The following MAGI2 variants were observed in gnomAD, a reference collection of about 807,000 sequenced individuals.
MAGI2 encodes membrane-associated guanylate kinase, WW and PDZ domain-containing protein 2.
Under a neutral mutation model 133.3 loss-of-function variants are expected in MAGI2, and 35 were observed. That is an observed-to-expected ratio of 0.26 (90% confidence interval 0.20 to 0.35). The LOEUF (loss-of-function observed/expected upper bound fraction) is 0.35. Among genes scored for constraint, MAGI2 ranks in the 10% least tolerant of loss-of-function variants. The pLI is 1.00. For synonymous variants in MAGI2, 729 were observed against 710.6 expected (o/e 1.03, Z -0.41); for missense variants, 1,636 against 1,863.4 (o/e 0.88, Z 2.25).
chr7:79,199,641 G>A (rs962173228), intron 1 of MAGI2, among the ~76,000 whole-genome samples: 9 of 151,998 alleles, frequency 5.9e-5, no homozygotes, highest in East Asian at 1.9e-4. Flanking sequence ...ATTTTACATC[G>A]AAATTTTATT....
chr7:78,196,250 G>T (rs543814366), intron 11 of MAGI2, among the ~76,000 whole-genome samples: 1 of 150,614 alleles, frequency 6.6e-6, no homozygotes, highest in Non-Finnish European at 1.5e-5. Flanking sequence ...CTTGCTGACC[G>T]CCCTGTCCCT....
At position 78,051,884 on chromosome 7, in the gene MAGI2, C is replaced by CTTTTTTTTTT. The variant is rs59919639; in HGVS notation, c.3706+27053_3706+27062dup. Among the ~76,000 whole-genome samples the CTTTTTTTTTT allele has an allele frequency of 7.2e-5, 9 of 125,806 alleles. 1 individual carries two copies. The South Asian group carries it at 1.3e-3, about 18-fold the overall frequency. The allele number at this position is 125,806 out of a possible 152,430, so 82.5% of individuals were successfully genotyped here. A position where few individuals can be genotyped will look rare whatever the true frequency, so the allele number is the denominator to read the frequency against. ...GCAGGTGTGAGCCACCATACCCAGC[C>CTTTTTTTTTT]TTTTTTTTTTTTTTTTTAAGACAAG... On this transcript the variant is annotated intron_variant, in intron 21 of 21. Transcript: ENST00000354212.
chr7:78,070,126 C>CACACACAT (rs3084738), intron 21 of MAGI2, among the ~76,000 whole-genome samples: 94 of 136,246 alleles, frequency 6.9e-4, no homozygotes, highest in East Asian at 4.1e-3. Flanking sequence ...CACACACACA[C>CACACACAT]ATATATGTGT....
In MAGI2 at chr7:79,368,303, C is replaced by T. The variant is rs1000727184; in HGVS notation, c.301+84717G>A. ...ATCCTAGTGAAAGCTTTGTACTTTC[C>T]CTAGACAGAAACTGGCTAGGGTCTA... On this transcript the variant is annotated intron_variant, in intron 1 of 21. Transcript: ENST00000354212. Among the ~76,000 whole-genome samples the T allele has an allele frequency of 2.6e-5, 4 of 152,012 alleles. No homozygotes were observed. The East Asian group carries it at 7.8e-4, about 30-fold the overall frequency.
intron 9 of MAGI2, among the ~76,000 whole-genome samples, chr7:78,328,373 A>G (rs1788799146): frequency 6.6e-6 from 1 of 152,036 alleles, no homozygotes; most frequent in Non-Finnish European, 1.5e-5. Flanking sequence ...AATGTCAGTG[A>G]CCAGAAATAC....
chr7:78,984,828 A>G (rs919396965), intron 2 of MAGI2, among the ~76,000 whole-genome samples: 2 of 152,044 alleles, frequency 1.3e-5, no homozygotes, highest in African/African-American at 2.4e-5. Flanking sequence ...CCACCAAAAC[A>G]TAAGTTTCAC....
intron 2 of MAGI2, among the ~76,000 whole-genome samples, chr7:78,628,981 A>G (rs1808668145): frequency 6.6e-6 from 1 of 152,024 alleles, no homozygotes; most frequent in Non-Finnish European, 1.5e-5. Context: ...ATTTATCTGC[A>G]TATTTCAGAA....
intron 10 of MAGI2, among the ~76,000 whole-genome samples, chr7:78,248,209 G>A (rs1326813219): frequency 6.6e-6 from 1 of 152,178 alleles, no homozygotes; most frequent in African/African-American, 2.4e-5. Flanking sequence ...ACAAGCAAAA[G>A]TTGAGGGAAA....
chr7:78,812,586 ATGTGTGTG>A (rs10542588), intron 2 of MAGI2, among the ~76,000 whole-genome samples: 3 of 149,320 alleles, frequency 2.0e-5, no homozygotes, highest in Admixed American at 6.7e-5. Flanking sequence ...ATATGTATGT[ATGTGTGTG>A]TGTGTGTGTG....
In MAGI2 at chr7:78,310,433, CA is replaced by C. The variant is rs568945406; in HGVS notation, c.1408+33344del. ...CTGGCAATAGAGCGAGACTCCAGCT[CA>C]AAAAAATAAAAATAATTTTTAAAAA... On this transcript the variant is annotated intron_variant, in intron 9 of 21. Coordinates refer to ENST00000354212, the MANE Select transcript of MAGI2 (RefSeq NM_012301.4). Among the ~76,000 whole-genome samples, 386 of 151,790 alleles carry C rather than the reference CA, an allele frequency of 2.5e-3. 2 individuals carry two copies. The highest frequency in any genetic ancestry group is 8.8e-3 in the African/African-American group (366 of 41,390).
intron 2 of MAGI2, among the ~76,000 whole-genome samples, chr7:78,788,408 C>G (rs1018853453): frequency 6.6e-6 from 1 of 152,074 alleles, no homozygotes; most frequent in Non-Finnish European, 1.5e-5. Context: ...TTACTCCATC[C>G]AACATTTCCA....
chr7:78,903,640 A>G (rs17151645), intron 2 of MAGI2, among the ~76,000 whole-genome samples: 2,679 of 152,264 alleles, frequency 0.018, 75 homozygotes, highest in African/African-American at 0.06. Flanking sequence ...TCTTGTTTTT[A>G]AGAATTTGGT....
intron 1 of MAGI2, among the ~76,000 whole-genome samples, chr7:79,334,707 T>G (rs1453506944): frequency 6.6e-6 from 1 of 152,166 alleles, no homozygotes; most frequent in Non-Finnish European, 1.5e-5. Flanking sequence ...AGAGCTTAGT[T>G]GACAATTTAA....
In MAGI2 at chr7:78,501,649, T is replaced by C. The variant is rs149573681; in HGVS notation, c.893A>G (p.Asn298Ser). 1,478 of 1,614,200 alleles carry C rather than the reference T, an allele frequency of 9.2e-4. 16 individuals are homozygous for C. The African/African-American group carries it at 0.017, about 18-fold the overall frequency. The change falls in exon 5 of 22, where the codon AAT becomes AGT. Residue 298 changes from asparagine to serine, a missense_variant. Physicochemically the swap from Asn to Ser is conservative, Grantham distance 46. Transcript: ENST00000354212. ...DDTKPTKPED[N>S]EEPDPLPDNW... ...ATCAGGCAATGGGTCTGGTTCCTCA[T>C]TGTCTTCAGGTTTAGTTGGCTTTGT...
At chr7:78,773,384 A>C (rs1825741673) in intron 2 of MAGI2, among the ~76,000 whole-genome samples, 1 of 152,222 alleles carries the variant, frequency 6.6e-6, no homozygotes, top group Non-Finnish European at 1.5e-5. Flanking sequence ...AACCCTAGCC[A>C]ACTTTTCAAA....
At chr7:78,814,014 G>A (rs1308405580) in intron 2 of MAGI2, among the ~76,000 whole-genome samples, 1 of 152,082 alleles carries the variant, frequency 6.6e-6, no homozygotes, top group Non-Finnish European at 1.5e-5. Context: ...GACATGGCTG[G>A]TGCAATAAAT....
chr7:78,474,990 G>A (rs776383758), intron 6 of MAGI2, among the ~76,000 whole-genome samples: 2 of 151,762 alleles, frequency 1.3e-5, no homozygotes, highest in Non-Finnish European at 2.9e-5. Flanking sequence ...GGTACTTCAA[G>A]TTTTATGTTG....
At chr7:78,136,965 T>C (rs987491) in intron 16 of MAGI2, among the ~76,000 whole-genome samples, 130,313 of 152,268 alleles carry the variant, frequency 0.86, 55,887 homozygotes, top group Non-Finnish European at 0.87. Flanking sequence ...AACTAAAACA[T>C]GTTTTTATAT....
intron 1 of MAGI2, among the ~76,000 whole-genome samples, chr7:79,284,191 A>AT (rs1835845306): frequency 6.6e-6 from 1 of 152,164 alleles, no homozygotes; most frequent in Non-Finnish European, 1.5e-5. Context: ...GAGCTTTTAC[A>AT]TTTTATGATA....
Sources: gnomAD v4.1 joint callset for allele counts (sites outside exome capture counted in the v4.1 genomes callset) on GRCh38, gnomAD v4.1.1 for gene constraint, MANE v1.5 for transcripts, NCBI Gene and HGNC (gene_info 2026-07-23, HGNC 2026-07-21) for gene names.